The following CCDC24 variants were observed in gnomAD, a reference collection of about 807,000 sequenced individuals.
CCDC24 encodes the protein coiled-coil domain-containing protein 24.
CCDC24 carries 34 observed loss-of-function variants against 31.6 expected under a neutral mutation model. The observed-to-expected ratio is 1.08, with a 90% CI of 0.82 to 1.43. The LOEUF (loss-of-function observed/expected upper bound fraction) is 1.43, where lower values mean the gene tolerates loss of function less well. Ranked by LOEUF, CCDC24 falls within the 40% of genes most tolerant of loss-of-function variation. CCDC24 has a pLI of 0.00. For synonymous variants in CCDC24, 175 were observed against 157.3 expected (o/e 1.11, Z -0.84); for missense variants, 426 against 391.1 (o/e 1.09, Z -0.75).
chr1:43,995,795 A>G lies in CCDC24; in HGVS notation c.640A>G (p.Lys214Glu), dbSNP rs1281780664. The G allele has an allele frequency of 6.2e-7, 1 of 1,614,202 alleles. No individual in the cohort carries two copies. Among genetic ancestry groups the G allele is most frequent in the Non-Finnish European group, 8.5e-7 (1 of 1,180,024 alleles). ...PTLAELKEQK[K>E]AMEQELQASV... ...TCCTTCAGAGCTAAAGGAACAGAAG[A>G]AGGCCATGGAGCAGGAGCTGCAGGC... The change falls in exon 8 of 9, where the codon AAG (lysine) becomes GAG (glutamate). Residue 214 changes from lysine (K) to glutamate (E), a missense_variant. Coordinates refer to ENST00000372318, the MANE Select transcript of CCDC24 (RefSeq NM_152499.4). The surrounding 1 kb of genome is among the most constrained non-coding windows in gnomAD (Gnocchi z 4.3).
At position 43,995,535 on chromosome 1, in the gene CCDC24, G is replaced by A; in HGVS notation, c.553-66G>A. On this transcript the variant is annotated intron_variant, in intron 6 of 8. Coordinates refer to ENST00000372318, the MANE Select transcript of CCDC24 (RefSeq NM_152499.4). The surrounding 1 kb of genome is among the most constrained non-coding windows in gnomAD (Gnocchi z 4.3). ...GCACGGGCCTGCCCTGGGGATCTTG[G>A]CCTCTGTATCCTGCCTTGCCCCACC... The A allele has an allele frequency of 3.4e-6, 5 of 1,480,408 alleles. No homozygotes were observed. Among genetic ancestry groups the A allele is most frequent in the Non-Finnish European group, 4.5e-6 (5 of 1,101,818 alleles). 91.7% of individuals were successfully genotyped at this position (1,480,408 alleles called of 1,614,324 possible).
chr1:43,994,900 G>A (rs770319464), intron 5 of CCDC24: 65 of 592,754 alleles, frequency 1.1e-4, no homozygotes, highest in Admixed American at 1.7e-4. Flanking sequence ...AGGCAGGCGA[G>A]GGGAAGATAC....
In CCDC24 at chr1:43,995,909, A is replaced by G. The variant is rs2085839130; in HGVS notation, c.702-29A>G. On this transcript the variant is annotated intron_variant, in intron 8 of 8. Transcript: ENST00000372318. The surrounding 1 kb of genome is among the most constrained non-coding windows in gnomAD (Gnocchi z 4.3). Reference sequence around the variant, plus strand: ...GGGTGGACTGAAGGATCAGACCACCACCCCTCACAGTTACTCTTTCTTGTC... The same window carrying G: ...GGGTGGACTGAAGGATCAGACCACCGCCCCTCACAGTTACTCTTTCTTGTC... The G allele has an allele frequency of 2.5e-6, 4 of 1,613,598 alleles. No individual in the cohort carries two copies. Among genetic ancestry groups the G allele is most frequent in the African/African-American group, 1.3e-5 (1 of 75,004 alleles).
In CCDC24 at chr1:43,996,012, G is replaced by A. The variant is rs2085843126; in HGVS notation, c.776G>A (p.Cys259Tyr). The part of the protein sequence containing the change: ...LPLCGVAPLQ[C>Y]CLPAPPLEPY... The stretch of plus-strand genomic sequence containing the variant: ...CTCTGCGGGGTTGCACCTCTCCAGT[G>A]CTGCCTGCCTGCACCTCCTCTGGAG... Residue 259 changes from cysteine (C) to tyrosine (Y), a missense_variant, in exon 9 of 9, where the codon TGC becomes TAC. Cys to Tyr is a radical substitution (Grantham distance 194). Coordinates refer to ENST00000372318, the MANE Select transcript of CCDC24 (RefSeq NM_152499.4). 2 of 1,614,178 alleles carry A rather than the reference G, an allele frequency of 1.2e-6. No individual in the cohort carries two copies. The highest frequency in any genetic ancestry group is 1.7e-6 in the Non-Finnish European group (2 of 1,180,032).
At position 43,991,731 on chromosome 1, in the gene CCDC24, C is replaced by G; in HGVS notation, c.-48C>G. 9.5e-7 allele frequency: 1 copy of G among 1,051,602 alleles called. No individual in the cohort carries two copies. Among genetic ancestry groups the G allele is most frequent in the Non-Finnish European group, 1.4e-6 (1 of 704,534 alleles). 65.1% of individuals were successfully genotyped at this position (1,051,602 alleles called of 1,614,324 possible). A position where few individuals can be genotyped will look rare whatever the true frequency, so the allele number is the denominator to read the frequency against. On this transcript the variant is annotated 5_prime_UTR_variant, in exon 1 of 9. Coordinates refer to ENST00000372318, the MANE Select transcript of CCDC24 (RefSeq NM_152499.4). ...AACGGGCAATCCCAGCCGAGGGGACCAGCGGCAGAGCACGGGTGGGGCTTG... is the reference window on the plus strand; with the variant it reads ...AACGGGCAATCCCAGCCGAGGGGACGAGCGGCAGAGCACGGGTGGGGCTTG...
rs1195624415 is a variant in CCDC24 at position 43,995,223 on chromosome 1, G to C, written c.552+61G>C. 6 of 1,500,462 alleles carry C rather than the reference G, an allele frequency of 4.0e-6. No homozygotes were observed. In the South Asian group the frequency reaches 6.0e-5, roughly 15 times the overall value. The allele number at this position is 1,500,462 out of a possible 1,614,324, so 92.9% of individuals were successfully genotyped here. ...CTGCTGAGCGTAGACTCTCACCTGGGTGAGACCCATGTACCTGTGTGCATA... is the reference window on the plus strand; with the variant it reads ...CTGCTGAGCGTAGACTCTCACCTGGCTGAGACCCATGTACCTGTGTGCATA... On this transcript the variant is annotated intron_variant, in intron 6 of 8. Transcript: ENST00000372318. The surrounding 1 kb of genome is among the most constrained non-coding windows in gnomAD (Gnocchi z 4.3).
chr1:43,995,757 T>C lies in CCDC24; in HGVS notation c.623-21T>C, dbSNP rs1483255968. On this transcript the variant is annotated intron_variant, in intron 7 of 8. Transcript: ENST00000372318. The surrounding 1 kb of genome is among the most constrained non-coding windows in gnomAD (Gnocchi z 4.3). Reference sequence around the variant, plus strand: ...CACCCTAGAAGAGCTGGGCACTGTCTCAGCCCAATCTCTCCTTCAGAGCTA... The same window carrying C: ...CACCCTAGAAGAGCTGGGCACTGTCCCAGCCCAATCTCTCCTTCAGAGCTA... 1 of 1,614,014 alleles carries C rather than the reference T, an allele frequency of 6.2e-7. No individual in the cohort carries two copies.
In CCDC24 at chr1:43,993,859, C is replaced by T. The variant is rs566912905; in HGVS notation, c.420-28C>T. On this transcript the variant is annotated intron_variant, in intron 4 of 8. Coordinates refer to ENST00000372318, the MANE Select transcript of CCDC24 (RefSeq NM_152499.4). ...CTGAAGGCCTGGGGTGAGCAACATGCGGAGAGTGATAGTGACTTCATTGCC... is the reference window on the plus strand; with the variant it reads ...CTGAAGGCCTGGGGTGAGCAACATGTGGAGAGTGATAGTGACTTCATTGCC... The T allele has an allele frequency of 4.6e-5, 74 of 1,610,800 alleles. No individual in the cohort carries two copies. In the South Asian group the frequency reaches 6.0e-4, roughly 13 times the overall value.
intron 5 of CCDC24, chr1:43,994,764 C>T: frequency 3.0e-6 from 1 of 329,386 alleles, no homozygotes; most frequent in Non-Finnish European, 5.6e-6. Context: ...AAATAAATAC[C>T]TTGACACAGG....
chr1:43,991,900 C>T lies in CCDC24; in HGVS notation c.22C>T (p.Leu8=). 1.3e-6 allele frequency: 2 copies of T among 1,552,024 alleles called. No homozygotes were observed. The highest frequency in any genetic ancestry group is 2.4e-5 in the South Asian group (2 of 84,262). Residue 8 remains leucine (L), a synonymous_variant, in exon 2 of 9, where the codon CTG becomes TTG. Transcript: ENST00000372318. The stretch of plus-strand genomic sequence containing the variant: ...GGTCATGCTCCGGCACTCCCCCTCG[C>T]TGTGGGAGCTGGTGGAGGAGCACGT... MLRHSPS[L]WELVEEHVPL...
Position 43,992,611 on chromosome 1 carries a change from A to G in CCDC24, c.391A>G (p.Ile131Val). Residue 131 changes from isoleucine (I) to valine (V), a missense_variant, in exon 4 of 9, where the codon ATA becomes GTA. Physicochemically the swap from Ile to Val is conservative, Grantham distance 29 (BLOSUM62 3). Transcript: ENST00000372318. The part of the protein sequence containing the change: ...EPRCDLPEQE[I>V]FQMRGGGPSS... ...CAGGTGTGATTTGCCAGAACAGGAG[A>G]TATTCCAGATGAGAGGTGGTGGGCC... 1 of 1,614,156 alleles carries G rather than the reference A, an allele frequency of 6.2e-7. No individual in the cohort carries two copies. The highest frequency in any genetic ancestry group is 8.5e-7 in the Non-Finnish European group (1 of 1,180,016).
At chr1:43,991,803 G>A in intron 1 of CCDC24, 44 bp from the exon 2 acceptor site, 1 of 1,530,508 alleles carries the variant, frequency 6.5e-7, no homozygotes, top group Non-Finnish European at 8.8e-7. Context: ...GAGCGTTGCC[G>A]GCGGGCCCGC....
chr1:43,993,873 G>T lies in CCDC24; in HGVS notation c.420-14G>T. Reference sequence around the variant, plus strand: ...TGAGCAACATGCGGAGAGTGATAGTGACTTCATTGCCAGCAGCGGTCACAG... The same window carrying T: ...TGAGCAACATGCGGAGAGTGATAGTTACTTCATTGCCAGCAGCGGTCACAG... On this transcript the variant is annotated splice_polypyrimidine_tract_variant and intron_variant, in intron 4 of 8. Coordinates refer to ENST00000372318, the MANE Select transcript of CCDC24 (RefSeq NM_152499.4). 13 of 1,613,940 alleles carry T rather than the reference G, an allele frequency of 8.1e-6. No individual in the cohort carries two copies. The highest frequency in any genetic ancestry group is 1.1e-5 in the South Asian group (1 of 91,054).
At position 43,996,204 on chromosome 1, in the gene CCDC24, C is replaced by T. The variant is rs1215455222; in HGVS notation, c.*44C>T. The T allele has an allele frequency of 2.1e-5, 30 of 1,448,334 alleles. 1 individual carries two copies. In the Middle Eastern group the frequency reaches 1.1e-3, roughly 52 times the overall value. 89.7% of individuals were successfully genotyped at this position (1,448,334 alleles called of 1,614,324 possible). On this transcript the variant is annotated 3_prime_UTR_variant, in exon 9 of 9. Transcript: ENST00000372318. ...GGCTCTGGCTTCTGCCACAGCGCACCTGTCTGCCGCTGCCGCCTCAGCTGC... is the reference window on the plus strand; with the variant it reads ...GGCTCTGGCTTCTGCCACAGCGCACTTGTCTGCCGCTGCCGCCTCAGCTGC...
chr1:43,995,335 A>G lies in CCDC24; in HGVS notation c.552+173A>G. 4 of 778,536 alleles carry G rather than the reference A, an allele frequency of 5.1e-6. No individual in the cohort carries two copies. Among genetic ancestry groups the G allele is most frequent in the Non-Finnish European group, 8.2e-6 (4 of 488,932 alleles). The allele number at this position is 778,536 out of a possible 1,614,324, so 48.2% of individuals were successfully genotyped here. ...TGCACCTGCAAAATCCTGGAGGCCC[A>G]GGATTCTAGTTGAGCCCTTAAGGCC... On this transcript the variant is annotated intron_variant, in intron 6 of 8. Coordinates refer to ENST00000372318, the MANE Select transcript of CCDC24 (RefSeq NM_152499.4). This position sits in a 1 kb window ranked among gnomAD's most constrained non-coding sequence, Gnocchi z 4.3.
Position 43,995,850 on chromosome 1 carries a change from AC to A in CCDC24, c.697del (p.His233ThrfsTer82). 6.2e-7 allele frequency: 1 copy of A among 1,614,176 alleles called. No homozygotes were observed. Among genetic ancestry groups the A allele is most frequent in the Non-Finnish European group, 8.5e-7 (1 of 1,180,018 alleles). ...ASVGPSCVSP[N>X]HRQRPLGSST... ...GTGGGGCCTTCTTGTGTCTCTCCCAACCACAGGTAAACCACAACAGTAGACA... is the reference window on the plus strand; with the variant it reads ...GTGGGGCCTTCTTGTGTCTCTCCCAACACAGGTAAACCACAACAGTAGACA... On this transcript the variant is annotated frameshift_variant, in exon 8 of 9. Transcript: ENST00000372318. LOFTEE classifies it low-confidence loss of function (END_TRUNC). This position sits in a 1 kb window ranked among gnomAD's most constrained non-coding sequence, Gnocchi z 4.3.
Position 43,991,659 on chromosome 1 carries a change from C to T in CCDC24, c.-120C>T. 2.8e-6 allele frequency: 2 copies of T among 722,564 alleles called. No individual in the cohort carries two copies. The highest frequency in any genetic ancestry group is 1.5e-5 in the South Asian group (1 of 67,984). 44.8% of individuals were successfully genotyped at this position (722,564 alleles called of 1,614,324 possible). On this transcript the variant is annotated 5_prime_UTR_variant, in exon 1 of 9. Coordinates refer to ENST00000372318, the MANE Select transcript of CCDC24 (RefSeq NM_152499.4). The stretch of plus-strand genomic sequence containing the variant: ...GTTTCTGGGCCCCCGGCATCCGAGT[C>T]GGCCAAAAGCCGGGCAGAAGAGAGC...
chr1:43,991,983 G>A lies in CCDC24; in HGVS notation c.105G>A (p.Leu35=). ...TTCTGGGGGAGGCGGCGGTGGACCT[G>A]AGCCTGGAGCTGCGGGCGGAGGTGG... The part of the protein sequence containing the change: ...KRILGEAAVD[L]SLELRAEVAM... The change falls in exon 2 of 9, where the codon CTG becomes CTA. Residue 35 remains leucine (L), a synonymous_variant. Coordinates refer to ENST00000372318, the MANE Select transcript of CCDC24 (RefSeq NM_152499.4). The A allele has an allele frequency of 6.6e-7, 1 of 1,514,056 alleles. No individual in the cohort carries two copies. The highest frequency in any genetic ancestry group is 8.9e-7 in the Non-Finnish European group (1 of 1,123,912). 93.8% of individuals were successfully genotyped at this position (1,514,056 alleles called of 1,614,324 possible).
chr1:43,995,169 C>G lies in CCDC24; in HGVS notation c.552+7C>G. 3 of 1,563,926 alleles carry G rather than the reference C, an allele frequency of 1.9e-6. No individual in the cohort carries two copies. The highest frequency in any genetic ancestry group is 2.6e-6 in the Non-Finnish European group (3 of 1,155,114). On this transcript the variant is annotated splice_region_variant and intron_variant, in intron 6 of 8. Coordinates refer to ENST00000372318, the MANE Select transcript of CCDC24 (RefSeq NM_152499.4). This position sits in a 1 kb window ranked among gnomAD's most constrained non-coding sequence, Gnocchi z 4.3. ...GGAGATCCTCATCCTGCAGGTGAGC[C>G]GCAGCCCTGGGCCCTCCCCCGAGCC... is the stretch of plus-strand genomic sequence containing the variant.
Sources: allele counts gnomAD v4.1 joint callset, GRCh38; gene constraint gnomAD v4.1.1; non-coding constraint Gnocchi (gnomAD v3.1); transcripts MANE v1.5; gene names NCBI Gene and HGNC (gene_info 2026-07-23, HGNC 2026-07-21).